The following CA10 variants were observed in gnomAD, a reference collection of about 807,000 sequenced individuals.
CA10 encodes carbonic anhydrase-related protein 10.
In CA10, 14 loss-of-function variants were observed where a neutral mutation model predicts 44.2. The observed-to-expected ratio is 0.32, with a 90% CI of 0.21 to 0.50. CA10 has a LOEUF of 0.50. CA10 is among the 20% of genes least tolerant of loss of function. The pLI, the probability that CA10 is intolerant of heterozygous loss-of-function variation, is 0.99. For missense variants in CA10, 350 were observed against 409.7 expected (o/e 0.85, Z 1.26); for synonymous variants, 159 against 141.6 (o/e 1.12, Z -0.87).
intron 6 of CA10, among the ~76,000 whole-genome samples, chr17:51,639,313 G>A (rs1912977688): frequency 6.6e-6 from 1 of 152,142 alleles, no homozygotes; most frequent in African/African-American, 2.4e-5. Flanking sequence ...GCGGTGGGGA[G>A]GAGTGAAGGG....
intron 1 of CA10, among the ~76,000 whole-genome samples, chr17:52,128,033 AGGTAT>A (rs1989157067): frequency 6.6e-6 from 1 of 152,230 alleles, no homozygotes; most frequent in Non-Finnish European, 1.5e-5. Flanking sequence ...GTACACAAAG[AGGTAT>A]GTAAATCTAC....
At chr17:51,930,841 T>TTTC in intron 3 of CA10, 149 bp downstream of exon 3, 1 of 900,748 alleles carries the variant, frequency 1.1e-6, no homozygotes, top group Non-Finnish European at 1.7e-6. Flanking sequence ...TTTAGACATA[T>TTTC]TTCTATCTAA....
intron 4 of CA10, among the ~76,000 whole-genome samples, chr17:51,713,836 A>G (rs1904890438): frequency 6.6e-6 from 1 of 152,192 alleles, no homozygotes; most frequent in Admixed American, 6.5e-5. Context: ...ATATGAATGG[A>G]AGGTGAATGA....
At position 51,647,054 on chromosome 17, in the gene CA10, G is replaced by A. The variant is rs1027761346; in HGVS notation, c.634+2128C>T. On this transcript the variant is annotated intron_variant, in intron 6 of 8. Coordinates refer to ENST00000451037, the MANE Select transcript of CA10 (RefSeq NM_020178.5). Reference sequence around the variant, plus strand: ...GGCCCTGAGAGGTGTAGAGTATGGGGGTCAGAAGGAGAGGGTGCTCCTGCT... The same window carrying A: ...GGCCCTGAGAGGTGTAGAGTATGGGAGTCAGAAGGAGAGGGTGCTCCTGCT... Among the ~76,000 whole-genome samples the A allele has an allele frequency of 2.0e-5, 3 of 151,902 alleles. No homozygotes were observed. The East Asian group carries it at 5.8e-4, about 29-fold the overall frequency.
chr17:52,041,332 G>C (rs1411259422), intron 2 of CA10, among the ~76,000 whole-genome samples: 4 of 152,048 alleles, frequency 2.6e-5, no homozygotes, highest in African/African-American at 9.7e-5. Flanking sequence ...ACAATTAGAA[G>C]ACAGAAACAT....
In CA10 at chr17:52,006,399, G is replaced by A. The variant is rs528631902; in HGVS notation, c.136+65920C>T. ...AAATTTGGAATATTAAAATGCTAAT[G>A]CCATGTGCTTCTACTCAGATTTAGC... On this transcript the variant is annotated intron_variant, in intron 2 of 8. Coordinates refer to ENST00000451037, the MANE Select transcript of CA10 (RefSeq NM_020178.5). 7.2e-5 allele frequency among the ~76,000 whole-genome samples: 11 copies of A among 151,900 alleles called. No homozygotes were observed. In the South Asian group the frequency reaches 1.7e-3, roughly 23 times the overall value.
chr17:52,082,032 G>T (rs575733571), intron 1 of CA10, among the ~76,000 whole-genome samples: 1 of 104,628 alleles, frequency 9.6e-6, no homozygotes, highest in African/African-American at 4.8e-5. Flanking sequence ...CATATATTTT[G>T]CTATTACTTC....
rs1175249276 is a variant in CA10, at chr17:51,820,189, C to G, written c.280-72371G>C. ...CAGAACATGAACCTGAGCGCCGCCC[C>G]CCCCCCCCCAGGTAATACCCCCTTC... On this transcript the variant is annotated intron_variant, in intron 3 of 8. Transcript: ENST00000451037. Among the ~76,000 whole-genome samples the G allele has an allele frequency of 4.7e-5, 6 of 127,188 alleles. No individual in the cohort carries two copies. The East Asian group carries it at 7.6e-4, about 16-fold the overall frequency. The allele number at this position is 127,188 out of a possible 152,430, so 83.4% of individuals were successfully genotyped here.
intron 4 of CA10, among the ~76,000 whole-genome samples, chr17:51,656,948 C>A (rs141331901): frequency 1.3e-5 from 2 of 152,274 alleles, no homozygotes; most frequent in African/African-American, 4.8e-5. Flanking sequence ...GAGTCCAGAT[C>A]ATAGGACCCC....
At chr17:52,013,067 A>T (rs1045340751) in intron 2 of CA10, among the ~76,000 whole-genome samples, 1 of 152,068 alleles carries the variant, frequency 6.6e-6, no homozygotes, top group Non-Finnish European at 1.5e-5. Context: ...AAATTGATAA[A>T]GCAACCATTC....
intron 4 of CA10, among the ~76,000 whole-genome samples, chr17:51,715,560 C>T (rs1916081770): frequency 1.3e-5 from 2 of 152,034 alleles, no homozygotes; most frequent in Admixed American, 1.3e-4. Context: ...CAAGTATTTA[C>T]CCTTTGTGTT....
chr17:51,675,154 G>A (rs1413422497), intron 4 of CA10, among the ~76,000 whole-genome samples: 2 of 152,190 alleles, frequency 1.3e-5, no homozygotes, highest in African/African-American at 4.8e-5. Flanking sequence ...GCAGCCGGAG[G>A]AGGGAAAAGC....
At chr17:51,649,966 C>T (rs965216305) in intron 5 of CA10, among the ~76,000 whole-genome samples, 1 of 126,854 alleles carries the variant, frequency 7.9e-6, no homozygotes, top group African/African-American at 2.8e-5. Flanking sequence ...ACCAACCATC[C>T]ATCCATCCAG....
At chr17:51,823,971 T>C (rs1232902984) in intron 3 of CA10, among the ~76,000 whole-genome samples, 1 of 152,232 alleles carries the variant, frequency 6.6e-6, no homozygotes, top group Non-Finnish European at 1.5e-5. Flanking sequence ...CACCCTGGTT[T>C]ATTTTTCTTC....
chr17:51,919,845 G>T (rs555289561), intron 3 of CA10, among the ~76,000 whole-genome samples: 2 of 152,194 alleles, frequency 1.3e-5, no homozygotes, highest in East Asian at 3.9e-4. Context: ...GTAGAGACGG[G>T]GTTTCACCAT....
chr17:51,865,170 A>G (rs1979488745), intron 3 of CA10, among the ~76,000 whole-genome samples: 1 of 151,750 alleles, frequency 6.6e-6, no homozygotes, highest in Non-Finnish European at 1.5e-5. Flanking sequence ...GCACCCTGAC[A>G]CTCCTCATCT....
chr17:51,737,225 T>C (rs918970369), intron 4 of CA10, among the ~76,000 whole-genome samples: 4 of 152,158 alleles, frequency 2.6e-5, no homozygotes, highest in African/African-American at 9.7e-5. Context: ...TTTCTGTTCC[T>C]TGAATATAAA....
chr17:51,646,359 A>C (rs1159299210), intron 6 of CA10, among the ~76,000 whole-genome samples: 8 of 152,178 alleles, frequency 5.3e-5, no homozygotes, highest in Non-Finnish European at 1.0e-4. Context: ...GGGGCTCAGC[A>C]CGTTGCAGAG....
chr17:52,087,343 T>C (rs960190428), intron 1 of CA10, among the ~76,000 whole-genome samples: 3 of 152,200 alleles, frequency 2.0e-5, no homozygotes, highest in Non-Finnish European at 4.4e-5. Flanking sequence ...AGTTTTGCCA[T>C]GTTGGCCAGA....
Sources: gnomAD v4.1 joint callset for allele counts (sites outside exome capture counted in the v4.1 genomes callset) on GRCh38, gnomAD v4.1.1 for gene constraint, MANE v1.5 for transcripts, NCBI Gene and HGNC (gene_info 2026-07-23, HGNC 2026-07-21) for gene names.